The following BMPR1B variants were observed in gnomAD, a reference collection of about 807,000 sequenced individuals.
BMPR1B encodes bone morphogenetic protein receptor type-1B.
A neutral mutation model predicts 59.1 loss-of-function variants in BMPR1B; 12 were observed. The observed-to-expected ratio is 0.20, with a 90% CI of 0.13 to 0.33. BMPR1B has a LOEUF of 0.33. Among genes scored for constraint, BMPR1B ranks in the 10% least tolerant of loss-of-function variants. The pLI is 1.00. For synonymous variants in BMPR1B, 237 were observed against 207.3 expected, an observed-to-expected ratio of 1.14 and a Z score of -1.23; for missense variants, 550 against 610.9, an observed-to-expected ratio of 0.90 and a Z score of 1.05.
In BMPR1B at chr4:95,059,630, T is replaced by TAAA. The variant is rs10685663; in HGVS notation, c.-17-44772_-17-44770dup. Reference sequence around the variant, plus strand: ...ATCTACTCTACTTAACCTATTATGGTAAAAAAAACAATTTTCTATCTTTTT... The same window carrying TAAA: ...ATCTACTCTACTTAACCTATTATGGTAAAAAAAAAAACAATTTTCTATCTTTTT... On this transcript the variant is annotated intron_variant, in intron 3 of 12. Coordinates refer to ENST00000515059, the MANE Select transcript of BMPR1B (RefSeq NM_001203.3). Among the ~76,000 whole-genome samples, 544 of 151,486 alleles carry TAAA rather than the reference T, an allele frequency of 3.6e-3. 8 individuals are homozygous for TAAA. The highest frequency in any genetic ancestry group is 0.02 in the Admixed American group (302 of 15,198).
intron 4 of BMPR1B, among the ~76,000 whole-genome samples, chr4:95,105,169 C>T (rs1254042513): frequency 1.3e-5 from 2 of 152,180 alleles, no homozygotes; most frequent in Non-Finnish European, 2.9e-5. Context: ...CCTTAAATGC[C>T]TTTATGCAGC....
At chr4:94,889,897 G>A (rs1025799239) in intron 2 of BMPR1B, among the ~76,000 whole-genome samples, 2 of 151,780 alleles carry the variant, frequency 1.3e-5, no homozygotes, top group Non-Finnish European at 2.9e-5. Context: ...AGCTTTTTTT[G>A]CCCTTATATA....
chr4:95,145,084 T>G (rs767394454), intron 10 of BMPR1B, among the ~76,000 whole-genome samples: 6 of 152,244 alleles, frequency 3.9e-5, no homozygotes, highest in Non-Finnish European at 5.9e-5. Flanking sequence ...CCATGTAATA[T>G]GAACAGATGT....
intron 10 of BMPR1B, among the ~76,000 whole-genome samples, chr4:95,135,852 A>C (rs893678973): frequency 6.6e-6 from 1 of 152,048 alleles, no homozygotes; most frequent in Admixed American, 6.5e-5. Flanking sequence ...AATACCCTTT[A>C]TTTCTTTCTC....
chr4:94,872,124 C>A (rs1726524228), intron 1 of BMPR1B, among the ~76,000 whole-genome samples: 1 of 152,196 alleles, frequency 6.6e-6, no homozygotes, highest in Non-Finnish European at 1.5e-5. Flanking sequence ...GACATCCAGG[C>A]AGTGAGGTCT....
intron 1 of BMPR1B, among the ~76,000 whole-genome samples, chr4:94,759,789 T>C (rs1014394735): frequency 2.6e-5 from 4 of 152,232 alleles, no homozygotes; most frequent in African/African-American, 9.6e-5. Context: ...TAGTGAAATA[T>C]GTAAGTTATT....
intron 1 of BMPR1B, among the ~76,000 whole-genome samples, chr4:94,866,862 G>T (rs1460233806): frequency 6.6e-6 from 1 of 152,120 alleles, no homozygotes; most frequent in Non-Finnish European, 1.5e-5. Flanking sequence ...GATTACAGGC[G>T]TGAGCCACTG....
At chr4:94,829,992 ATAAT>A (rs975431712) in intron 1 of BMPR1B, among the ~76,000 whole-genome samples, 7 of 152,198 alleles carry the variant, frequency 4.6e-5, no homozygotes, top group African/African-American at 1.4e-4. Context: ...TTGAGAAAAA[ATAAT>A]TATTCTGAAT....
intron 2 of BMPR1B, among the ~76,000 whole-genome samples, chr4:94,961,650 C>G (rs1315308014): frequency 6.6e-6 from 1 of 152,110 alleles, no homozygotes; most frequent in African/African-American, 2.4e-5. Context: ...CTCCTGTAAT[C>G]AAAAACTTGC....
chr4:95,061,471 G>A (rs1377340829), intron 3 of BMPR1B, among the ~76,000 whole-genome samples: 1 of 152,022 alleles, frequency 6.6e-6, no homozygotes, highest in Non-Finnish European at 1.5e-5. Context: ...TGGAGCTGGA[G>A]GTTTCCTTTA....
chr4:94,920,886 G>T (rs1222811242), intron 2 of BMPR1B, among the ~76,000 whole-genome samples: 1 of 152,118 alleles, frequency 6.6e-6, no homozygotes, highest in Non-Finnish European at 1.5e-5. Flanking sequence ...ATTTTTATGT[G>T]TTCTTTCAAG....
At chr4:95,082,820 C>T (rs770884046) in intron 3 of BMPR1B, among the ~76,000 whole-genome samples, 6 of 151,958 alleles carry the variant, frequency 3.9e-5, no homozygotes, top group East Asian at 3.9e-4. Context: ...GGGCGGATCA[C>T]GAGGTCAGGA....
At chr4:94,868,631 T>C (rs1478027061) in intron 1 of BMPR1B, among the ~76,000 whole-genome samples, 2 of 152,170 alleles carry the variant, frequency 1.3e-5, no homozygotes, top group East Asian at 3.9e-4. Flanking sequence ...GTTTGGACAG[T>C]TGGATCTGAG....
chr4:94,883,647 C>G (rs1436015544), intron 2 of BMPR1B, among the ~76,000 whole-genome samples: 1 of 151,640 alleles, frequency 6.6e-6, no homozygotes, highest in Non-Finnish European at 1.5e-5. Flanking sequence ...GGAATATATT[C>G]TGTAATACAT....
At chr4:95,006,029 T>C (rs1276870378) in intron 3 of BMPR1B, among the ~76,000 whole-genome samples, 3 of 152,178 alleles carry the variant, frequency 2.0e-5, no homozygotes, top group Non-Finnish European at 4.4e-5. Context: ...TCTCAGCACT[T>C]TGGGAGGCTG....
chr4:95,114,947 C>T, intron 5 of BMPR1B, 125 bp downstream of exon 5: 1 of 878,336 alleles, frequency 1.1e-6, no homozygotes, highest in Non-Finnish European at 1.9e-6. Flanking sequence ...TGCACAAAAA[C>T]ATTTAGGTCA....
chr4:95,008,258 G>A (rs866604563), intron 3 of BMPR1B, among the ~76,000 whole-genome samples: 4 of 152,148 alleles, frequency 2.6e-5, no homozygotes, highest in Non-Finnish European at 5.9e-5. Context: ...TATGTAAAAA[G>A]TCATAAAAAT....
intron 3 of BMPR1B, among the ~76,000 whole-genome samples, chr4:95,044,431 G>A (rs767761814): frequency 2.0e-5 from 3 of 152,142 alleles, no homozygotes; most frequent in Non-Finnish European, 4.4e-5. Context: ...AGTGCATAAT[G>A]TGTGAATACT....
At chr4:94,841,229 C>T (rs1339760190) in intron 1 of BMPR1B, among the ~76,000 whole-genome samples, 2 of 149,170 alleles carry the variant, frequency 1.3e-5, no homozygotes, top group East Asian at 1.9e-4. Flanking sequence ...TGTCTGTGCC[C>T]TGCCCCCAGA....
Sources: gnomAD v4.1 joint callset for allele counts (sites outside exome capture counted in the v4.1 genomes callset) on GRCh38, gnomAD v4.1.1 for gene constraint, MANE v1.5 for transcripts, NCBI Gene and HGNC (gene_info 2026-07-23, HGNC 2026-07-21) for gene names.